PRKN: variants seen among roughly 807,000 people sequenced by gnomAD.
PRKN encodes the protein parkin RBR E3 ubiquitin protein ligase.
Under a neutral mutation model 59.5 loss-of-function variants are expected in PRKN, and 56 were observed. The ratio of observed to expected loss-of-function variants is 0.94; its 90% CI spans 0.76 to 1.18. The LOEUF (loss-of-function observed/expected upper bound fraction) is 1.18, where lower values mean the gene tolerates loss of function less well. PRKN is among the 50% of genes most tolerant of loss of function. The probability of loss-of-function intolerance (pLI) is 0.00; values close to 1 mark genes in which losing one functional copy is unlikely to be tolerated. For synonymous variants in PRKN, 250 were observed against 222.1 expected, an observed-to-expected ratio of 1.13 and a Z score of -1.12; for missense variants, 657 against 596.4, an observed-to-expected ratio of 1.10 and a Z score of -1.06.
At chr6:161,759,308 G>A (rs1343416922) in intron 7 of PRKN, among the ~76,000 whole-genome samples, 1 of 152,102 alleles carries the variant, frequency 6.6e-6, no homozygotes, top group Non-Finnish European at 1.5e-5. Context: ...TTCCCCCTCA[G>A]TAACTAGGAT....
At chr6:161,779,519 A>G (rs576357008) in intron 7 of PRKN, among the ~76,000 whole-genome samples, 77 of 119,562 alleles carry the variant, frequency 6.4e-4, no homozygotes, top group African/African-American at 2.5e-3. Context: ...ATCGTGGCTC[A>G]CTGCAACTTC....
chr6:161,692,401 G>A (rs1375255461), intron 7 of PRKN, among the ~76,000 whole-genome samples: 1 of 152,174 alleles, frequency 6.6e-6, no homozygotes, highest in Non-Finnish European at 1.5e-5. Flanking sequence ...GCTTTTGGTT[G>A]ATAAAATAAG....
chr6:162,268,094 A>AC (rs1462979727), intron 2 of PRKN, among the ~76,000 whole-genome samples: 1 of 152,208 alleles, frequency 6.6e-6, no homozygotes, highest in Non-Finnish European at 1.5e-5. Context: ...TATAGAATAT[A>AC]CTTAGCCGTA....
At chr6:161,438,246 T>A (rs1442680338) in intron 9 of PRKN, among the ~76,000 whole-genome samples, 1 of 122,572 alleles carries the variant, frequency 8.2e-6, no homozygotes, top group Non-Finnish European at 1.6e-5. Context: ...TGAGACAGAG[T>A]CTTGCTCTGT....
intron 4 of PRKN, among the ~76,000 whole-genome samples, chr6:162,091,844 T>G (rs1045404431): frequency 2.0e-5 from 3 of 151,978 alleles, no homozygotes; most frequent in Admixed American, 6.6e-5. Flanking sequence ...CAAAACTAGC[T>G]TGGGCAACAA....
intron 7 of PRKN, among the ~76,000 whole-genome samples, chr6:161,617,413 A>G (rs1782737909): frequency 1.3e-5 from 2 of 152,216 alleles, no homozygotes; most frequent in South Asian, 4.1e-4. Flanking sequence ...TTTGGTACTT[A>G]AAATATTTTT....
chr6:161,370,970 T>A (rs1785420097), intron 10 of PRKN, among the ~76,000 whole-genome samples: 1 of 152,204 alleles, frequency 6.6e-6, no homozygotes, highest in East Asian at 1.9e-4. Flanking sequence ...GGTGGGCCAG[T>A]TGAGCACTGC....
At chr6:161,977,534 T>G (rs1781078054) in intron 5 of PRKN, among the ~76,000 whole-genome samples, 1 of 95,762 alleles carries the variant, frequency 1.0e-5, no homozygotes, top group Non-Finnish European at 2.1e-5. Context: ...CTACTTTCTG[T>G]TTTTTTGGTT....
chr6:162,211,865 A>G (rs1168771840), intron 3 of PRKN, among the ~76,000 whole-genome samples: 1 of 152,204 alleles, frequency 6.6e-6, no homozygotes, highest in African/African-American at 2.4e-5. Flanking sequence ...ATTGAGATTC[A>G]TAAAATCTCT....
intron 6 of PRKN, among the ~76,000 whole-genome samples, chr6:161,944,046 C>CA (rs1407319989): frequency 7.5e-6 from 1 of 133,410 alleles, no homozygotes; most frequent in Non-Finnish European, 1.6e-5. Context: ...CCTGAGGGAC[C>CA]AGCCTGAGGG....
chr6:161,510,253 C>A (rs1049953307), intron 9 of PRKN, among the ~76,000 whole-genome samples: 4 of 152,178 alleles, frequency 2.6e-5, no homozygotes, highest in Non-Finnish European at 4.4e-5. Context: ...TGGAGATGAA[C>A]CTTCTTGATG....
At chr6:161,892,422 G>A (rs1184357966) in intron 6 of PRKN, among the ~76,000 whole-genome samples, 5 of 147,066 alleles carry the variant, frequency 3.4e-5, no homozygotes, top group African/African-American at 1.0e-4. Flanking sequence ...AAATAAATAA[G>A]ATTAGTTGGG....
At chr6:161,725,099 C>A (rs976483684) in intron 7 of PRKN, among the ~76,000 whole-genome samples, 1 of 152,168 alleles carries the variant, frequency 6.6e-6, no homozygotes, top group Non-Finnish European at 1.5e-5. Flanking sequence ...GACGCTGGCG[C>A]CATGCTTCCT....
At chr6:162,343,088 T>C (rs1784256012) in intron 2 of PRKN, among the ~76,000 whole-genome samples, 1 of 152,208 alleles carries the variant, frequency 6.6e-6, no homozygotes, top group African/African-American at 2.4e-5. Context: ...AAACCTGTTA[T>C]ATACTGTCTG....
Position 162,612,030 on chromosome 6 carries a change from G to GAA in PRKN, c.7+115630_7+115631dup, listed in dbSNP as rs370097730. Among the ~76,000 whole-genome samples, 3 of 143,062 alleles carry GAA rather than the reference G, an allele frequency of 2.1e-5. No individual in the cohort carries two copies. In the East Asian group the frequency reaches 6.2e-4, roughly 29 times the overall value. 93.9% of individuals were successfully genotyped at this position (143,062 alleles called of 152,430 possible). A position where few individuals can be genotyped will look rare whatever the true frequency, so the allele number is the denominator to read the frequency against. On this transcript the variant is annotated intron_variant, in intron 1 of 11. Transcript: ENST00000366898. ...GAAACCCCGTCTCTACTAAAAATACGAAAAAAAAAAAAATTAGCTGGGCGT... is the reference window on the plus strand; with the variant it reads ...GAAACCCCGTCTCTACTAAAAATACGAAAAAAAAAAAAAAATTAGCTGGGCGT...
At chr6:162,244,611 A>C (rs1467661349) in intron 3 of PRKN, among the ~76,000 whole-genome samples, 1 of 152,026 alleles carries the variant, frequency 6.6e-6, no homozygotes, top group Non-Finnish European at 1.5e-5. Flanking sequence ...TGGAAAGTAG[A>C]CATCTCTTTA....
Position 161,796,629 on chromosome 6 carries a change from G to A in PRKN, c.735-10721C>T, listed in dbSNP as rs114507972. 8.8e-3 allele frequency among the ~76,000 whole-genome samples: 1,338 copies of A among 152,228 alleles called. 20 individuals carry two copies. Among genetic ancestry groups the A allele is most frequent in the African/African-American group, 0.031 (1,268 of 41,534 alleles). On this transcript the variant is annotated intron_variant, in intron 6 of 11. Coordinates refer to ENST00000366898, the MANE Select transcript of PRKN (RefSeq NM_004562.3). ...GATACTTTCCTATCCCCCAGTTAAT[G>A]GAGTTATGTTTTTTCAAGGATGCTC...
At chr6:162,172,830 G>A (rs1333340200) in intron 4 of PRKN, among the ~76,000 whole-genome samples, 5 of 152,128 alleles carry the variant, frequency 3.3e-5, no homozygotes, top group African/African-American at 1.2e-4. Context: ...TGGGTGCCTC[G>A]GTGGTATCTC....
In PRKN at chr6:161,417,092, A is replaced by G. The variant is rs1261445505; in HGVS notation, c.1084-30215T>C. The stretch of plus-strand genomic sequence containing the variant: ...ATTCAAGCTCCAGACCTGGGCCAAG[A>G]GCAAGAAGAGAGCTTGCTTGTGGGT... On this transcript the variant is annotated intron_variant, in intron 9 of 11. Transcript: ENST00000366898. This position sits in a 1 kb window ranked among gnomAD's most constrained non-coding sequence, Gnocchi z 5.4. Among the ~76,000 whole-genome samples the G allele has an allele frequency of 6.6e-6, 1 of 152,150 alleles. No individual in the cohort carries two copies. Among genetic ancestry groups the G allele is most frequent in the Non-Finnish European group, 1.5e-5 (1 of 68,032 alleles).
Sources: gnomAD v4.1 joint callset for allele counts (sites outside exome capture counted in the v4.1 genomes callset) on GRCh38, gnomAD v4.1.1 for gene constraint, Gnocchi (gnomAD v3.1) non-coding constraint, MANE v1.5 for transcripts, NCBI Gene and HGNC (gene_info 2026-07-23, HGNC 2026-07-21) for gene names.